The following CNTNAP2 variants were observed in gnomAD, a reference collection of about 807,000 sequenced individuals.
CNTNAP2 encodes the protein contactin associated protein 2.
CNTNAP2 carries 98 observed loss-of-function variants against 155.2 expected under a neutral mutation model. The observed-to-expected ratio is 0.63, with a 90% CI of 0.54 to 0.75. CNTNAP2 has a LOEUF of 0.75. Among genes scored for constraint, CNTNAP2 ranks in the 30% least tolerant of loss-of-function variants. CNTNAP2 has a pLI of 0.00. For synonymous variants in CNTNAP2, 651 were observed against 631.2 expected, an observed-to-expected ratio of 1.03 and a Z score of -0.47; for missense variants, 1,727 against 1,688.1, an observed-to-expected ratio of 1.02 and a Z score of -0.40.
At chr7:147,464,863 T>G (rs1198028833) in intron 10 of CNTNAP2, among the ~76,000 whole-genome samples, 1 of 152,222 alleles carries the variant, frequency 6.6e-6, no homozygotes, top group Non-Finnish European at 1.5e-5. Flanking sequence ...TAACATTAGA[T>G]GTCTAAGACT....
At chr7:148,297,674 A>G (rs1797309913) in intron 21 of CNTNAP2, among the ~76,000 whole-genome samples, 1 of 151,502 alleles carries the variant, frequency 6.6e-6, no homozygotes, top group South Asian at 2.1e-4. Flanking sequence ...ATTTTTTTTT[A>G]TCTTGAAGAC....
rs879941447 is a variant in CNTNAP2, at chr7:146,144,748, T to G, written c.97+27775T>G. Among the ~76,000 whole-genome samples the G allele has an allele frequency of 1.1e-4, 17 of 152,240 alleles. 1 individual carries two copies. The highest frequency in any genetic ancestry group is 4.1e-4 in the African/African-American group (17 of 41,468). On this transcript the variant is annotated intron_variant, in intron 1 of 23. Transcript: ENST00000361727. ...TTTATCTCATTATTATTTGTTGTGT[T>G]GTTTCTTCCTGCCTCTCTAAATCCC... is the stretch of plus-strand genomic sequence containing the variant.
intron 21 of CNTNAP2, among the ~76,000 whole-genome samples, chr7:148,348,444 C>T (rs1180321948): frequency 6.6e-6 from 1 of 152,176 alleles, no homozygotes; most frequent in Non-Finnish European, 1.5e-5. Context: ...ATTCCACATC[C>T]CTGCTGGGTG....
intron 14 of CNTNAP2, among the ~76,000 whole-genome samples, chr7:147,974,789 T>C (rs1288404393): frequency 6.6e-6 from 1 of 152,154 alleles, no homozygotes; most frequent in Admixed American, 6.5e-5. Context: ...ATGTGTACTT[T>C]ATGACCCAGC....
chr7:147,256,974 CAA>C (rs1804343851), intron 8 of CNTNAP2, among the ~76,000 whole-genome samples: 1 of 146,282 alleles, frequency 6.8e-6, no homozygotes, highest in Non-Finnish European at 1.5e-5. Flanking sequence ...AGCATAGAAA[CAA>C]AGGAATAATA....
intron 2 of CNTNAP2, among the ~76,000 whole-genome samples, chr7:146,784,828 A>G (rs928062414): frequency 1.3e-5 from 2 of 152,182 alleles, no homozygotes; most frequent in South Asian, 2.1e-4. Context: ...TATCGTTTCT[A>G]TGAAATTTCT....
chr7:148,001,985 A>C (rs1007987034), intron 15 of CNTNAP2, among the ~76,000 whole-genome samples: 3 of 152,178 alleles, frequency 2.0e-5, no homozygotes, highest in Non-Finnish European at 4.4e-5. Context: ...ATTTTTTATT[A>C]AACATAAGTC....
chr7:147,254,285 G>A (rs1427713289), intron 8 of CNTNAP2, among the ~76,000 whole-genome samples: 5 of 151,994 alleles, frequency 3.3e-5, no homozygotes, highest in East Asian at 1.9e-4. Context: ...AAGTTTTTTC[G>A]TAATGCCACT....
At chr7:147,738,861 G>A (rs1010243602) in intron 13 of CNTNAP2, among the ~76,000 whole-genome samples, 3 of 151,944 alleles carry the variant, frequency 2.0e-5, no homozygotes, top group Non-Finnish European at 4.4e-5. Context: ...CGCCATGATG[G>A]CCAGGCTGGT....
At chr7:147,294,472 A>C (rs2116755973) in intron 8 of CNTNAP2, among the ~76,000 whole-genome samples, 1 of 152,260 alleles carries the variant, frequency 6.6e-6, no homozygotes, top group South Asian at 2.1e-4. Flanking sequence ...TTCCCATATC[A>C]CTGTATATGT....
chr7:147,480,890 T>C (rs1291673928), intron 10 of CNTNAP2, among the ~76,000 whole-genome samples: 1 of 152,202 alleles, frequency 6.6e-6, no homozygotes, highest in Non-Finnish European at 1.5e-5. Context: ...ACTCCAATCC[T>C]GACCGCAAGA....
intron 13 of CNTNAP2, among the ~76,000 whole-genome samples, chr7:147,680,169 G>A (rs1795926606): frequency 6.6e-6 from 1 of 151,756 alleles, no homozygotes; most frequent in South Asian, 2.1e-4. Context: ...CAGGTTCAGG[G>A]GACTATGTGC....
At chr7:146,244,461 A>C (rs977981383) in intron 1 of CNTNAP2, among the ~76,000 whole-genome samples, 7 of 152,320 alleles carry the variant, frequency 4.6e-5, no homozygotes, top group African/African-American at 1.7e-4. Context: ...AGGAGCGTCT[A>C]TACAGGAGCT....
intron 1 of CNTNAP2, among the ~76,000 whole-genome samples, chr7:146,574,349 A>G (rs957099928): frequency 6.6e-6 from 1 of 152,222 alleles, no homozygotes; most frequent in African/African-American, 2.4e-5. Context: ...TTTTTGACAT[A>G]AAGTTAAATT....
chr7:146,954,188 G>A (rs573804775), intron 3 of CNTNAP2, among the ~76,000 whole-genome samples: 134 of 151,930 alleles, frequency 8.8e-4, no homozygotes, highest in Admixed American at 2.7e-3. Context: ...AATCTCTCAC[G>A]CAATGGTTTC....
chr7:146,465,569 A>G lies in CNTNAP2; in HGVS notation c.98-308702A>G, dbSNP rs577679940. Among the ~76,000 whole-genome samples the G allele has an allele frequency of 2.6e-5, 4 of 152,320 alleles. No homozygotes were observed. In the East Asian group the frequency reaches 7.7e-4, roughly 29 times the overall value. On this transcript the variant is annotated intron_variant, in intron 1 of 23. Transcript: ENST00000361727. ...CCTAGTCTGTTTGAATCATCAAATC[A>G]TAGAATTTCTGTGCATTCCATGTAT...
At chr7:146,350,299 T>C (rs561716705) in intron 1 of CNTNAP2, among the ~76,000 whole-genome samples, 3 of 152,002 alleles carry the variant, frequency 2.0e-5, no homozygotes, top group South Asian at 2.1e-4. Flanking sequence ...GGCTAATATC[T>C]AGAATCTACA....
chr7:147,849,378 T>C (rs1798881277), intron 13 of CNTNAP2, among the ~76,000 whole-genome samples: 1 of 152,120 alleles, frequency 6.6e-6, no homozygotes, highest in African/African-American at 2.4e-5. Context: ...ATAACAGGAG[T>C]GTAGACTTTT....
intron 1 of CNTNAP2, among the ~76,000 whole-genome samples, chr7:146,399,186 G>A (rs1198246832): frequency 1.3e-5 from 2 of 152,022 alleles, no homozygotes; most frequent in African/African-American, 4.8e-5. Flanking sequence ...TTTTTGGGGG[G>A]TAATGAGAAC....
Sources: allele counts gnomAD v4.1 joint callset (sites outside exome capture counted in the v4.1 genomes callset), GRCh38; gene constraint gnomAD v4.1.1; transcripts MANE v1.5; gene names NCBI Gene and HGNC (gene_info 2026-07-23, HGNC 2026-07-21).